SYNPR: variants seen among roughly 807,000 people sequenced by gnomAD.
SYNPR encodes synaptoporin.
In SYNPR, 23 loss-of-function variants were observed where a neutral mutation model predicts 32.9. That is an observed-to-expected ratio of 0.70 (90% CI 0.50 to 0.99). The LOEUF (loss-of-function observed/expected upper bound fraction) is 0.99, where lower values mean the gene tolerates loss of function less well. Among genes scored for constraint, SYNPR ranks in the 50% least tolerant of loss-of-function variants. The probability of loss-of-function intolerance (pLI) is 0.00; values close to 1 mark genes in which losing one functional copy is unlikely to be tolerated. For missense variants in SYNPR, 318 were observed against 349.3 expected, an observed-to-expected ratio of 0.91 and a Z score of 0.71; for synonymous variants, 146 against 135.9, an observed-to-expected ratio of 1.07 and a Z score of -0.52.
chr3:63,567,911 T>C (rs1465604709), intron 4 of SYNPR, among the ~76,000 whole-genome samples: 1 of 152,230 alleles, frequency 6.6e-6, no homozygotes, highest in African/African-American at 2.4e-5. Flanking sequence ...AATCAATTTA[T>C]ATGCTATCTC....
chr3:63,206,011 C>G, the SYNPR span, among the ~76,000 whole-genome samples: 1 of 152,126 alleles, frequency 6.6e-6, no homozygotes, highest in Admixed American at 6.5e-5. Context: ...AGAAACGATG[C>G]TGGTTTTCTT....
intron 4 of SYNPR, among the ~76,000 whole-genome samples, chr3:63,580,357 T>C (rs1357411256): frequency 6.6e-6 from 1 of 152,186 alleles, no homozygotes; most frequent in Non-Finnish European, 1.5e-5. Flanking sequence ...CTTTAAAAAC[T>C]ATTCTTTCCT....
chr3:63,556,858 A>T, intron 4 of SYNPR, 117 bp downstream of exon 4: 3 of 977,036 alleles, frequency 3.1e-6, no homozygotes, highest in Non-Finnish European at 4.4e-6. Context: ...AGGAAATCAC[A>T]TTCTTTTTTA....
intron 2 of SYNPR, among the ~76,000 whole-genome samples, chr3:63,346,981 T>C (rs927298582): frequency 2.6e-5 from 4 of 152,206 alleles, no homozygotes; most frequent in Non-Finnish European, 5.9e-5. Context: ...AAACAGTCTT[T>C]CGTGCAGCCA....
At chr3:63,483,343 G>C (rs1322087537) in intron 3 of SYNPR, among the ~76,000 whole-genome samples, 1 of 152,126 alleles carries the variant, frequency 6.6e-6, no homozygotes, top group Non-Finnish European at 1.5e-5. Flanking sequence ...TTACTAAAGA[G>C]AAAGTAAGTA....
chr3:63,610,595 C>T, intron 5 of SYNPR: 1 of 655,504 alleles, frequency 1.5e-6, no homozygotes, highest in Non-Finnish European at 2.8e-6. Context: ...ATTAGGGTCT[C>T]ACAATAATTT....
At chr3:63,453,307 G>T (rs2106639002) in intron 2 of SYNPR, among the ~76,000 whole-genome samples, 1 of 152,246 alleles carries the variant, frequency 6.6e-6, no homozygotes. Context: ...CAACAGAAGA[G>T]CCTGGGGAGG....
At chr3:63,237,456 T>C (rs2086208170) in intron 1 of SYNPR, among the ~76,000 whole-genome samples, 1 of 152,184 alleles carries the variant, frequency 6.6e-6, no homozygotes, top group African/African-American at 2.4e-5. Flanking sequence ...GTCAAGAGAA[T>C]GTATAATTTG....
At chr3:63,552,282 T>C (rs1702516820) in intron 3 of SYNPR, among the ~76,000 whole-genome samples, 1 of 152,200 alleles carries the variant, frequency 6.6e-6, no homozygotes, top group Non-Finnish European at 1.5e-5. Flanking sequence ...AAAAAGTGTG[T>C]ATTATCTGAA....
At chr3:63,504,985 G>C (rs934847042) in intron 3 of SYNPR, among the ~76,000 whole-genome samples, 2 of 152,102 alleles carry the variant, frequency 1.3e-5, no homozygotes, top group Non-Finnish European at 2.9e-5. Context: ...AGTCAGAAAA[G>C]GGAGGTGAAT....
chr3:63,417,598 A>T (rs2088558543), intron 2 of SYNPR, among the ~76,000 whole-genome samples: 1 of 152,246 alleles, frequency 6.6e-6, no homozygotes, highest in Non-Finnish European at 1.5e-5. Context: ...CTGCCCCTGC[A>T]GCAAGCTTTT....
At position 63,353,886 on chromosome 3, in the gene SYNPR, C is replaced by G. The variant is rs534221062; in HGVS notation, c.84+75144C>G. ...ACTTGTTTTTCATTTATTTGCACTT[C>G]AAGCTTTGTGTTGCTTTTGGATCAA... On this transcript the variant is annotated intron_variant, in intron 2 of 5. Coordinates refer to ENST00000478300, the MANE Select transcript of SYNPR (RefSeq NM_001130003.2). 5.3e-5 allele frequency among the ~76,000 whole-genome samples: 8 copies of G among 152,286 alleles called. No homozygotes were observed. In the East Asian group the frequency reaches 1.5e-3, roughly 29 times the overall value.
Position 63,559,894 on chromosome 3 carries a change from A to G in SYNPR, c.408+3153A>G, listed in dbSNP as rs79464977. Among the ~76,000 whole-genome samples, 421 of 152,346 alleles carry G rather than the reference A, an allele frequency of 2.8e-3. 11 individuals carry two copies. In the East Asian group the frequency reaches 0.057, roughly 21 times the overall value. ...GGATCCATGTAAACATGCTCACAGGACTTTTAAGCCTGAGGAAATATCCTG... is the reference window on the plus strand; with the variant it reads ...GGATCCATGTAAACATGCTCACAGGGCTTTTAAGCCTGAGGAAATATCCTG... On this transcript the variant is annotated intron_variant, in intron 4 of 5. Transcript: ENST00000478300.
chr3:63,438,929 A>G lies in SYNPR; in HGVS notation c.85-41903A>G, dbSNP rs531431335. Among the ~76,000 whole-genome samples the G allele has an allele frequency of 4.3e-4, 66 of 152,340 alleles. No individual in the cohort carries two copies. In the East Asian group the frequency reaches 5.2e-3, roughly 12 times the overall value. ...TGATTGCCTCCTTTCTCCTACTGCA[A>G]TGAAGAAATCCTCTGGCTCTGGATT... On this transcript the variant is annotated intron_variant, in intron 2 of 5. Coordinates refer to ENST00000478300, the MANE Select transcript of SYNPR (RefSeq NM_001130003.2).
intron 2 of SYNPR, among the ~76,000 whole-genome samples, chr3:63,326,257 T>C (rs1198652466): frequency 1.3e-5 from 2 of 152,062 alleles, no homozygotes; most frequent in African/African-American, 4.8e-5. Flanking sequence ...AATGGCAGTG[T>C]AGGAGTGTGG....
At chr3:63,592,605 G>A (rs1247459959) in intron 4 of SYNPR, among the ~76,000 whole-genome samples, 1 of 152,008 alleles carries the variant, frequency 6.6e-6, no homozygotes, top group East Asian at 1.9e-4. Flanking sequence ...CTAATAAATA[G>A]TAGTTAAGGA....
intron 2 of SYNPR, among the ~76,000 whole-genome samples, chr3:63,392,366 C>A (rs955979125): frequency 6.6e-6 from 1 of 151,968 alleles, no homozygotes; most frequent in Non-Finnish European, 1.5e-5. Context: ...CCCACATTTG[C>A]CAAAAAAAGG....
At chr3:63,224,763 GA>G (rs1481789457), upstream of SYNPR, among the ~76,000 whole-genome samples, 1 of 152,224 alleles carries the variant, frequency 6.6e-6, no homozygotes, top group Non-Finnish European at 1.5e-5. Flanking sequence ...AGGGTGGCAT[GA>G]ACCAGGTGTC....
rs754216068 is a variant in SYNPR at position 63,262,017 on chromosome 3, TTAAGTA to T, written n.155-5296_155-5291del. Among the ~76,000 whole-genome samples, 323 of 84,580 alleles carry T rather than the reference TTAAGTA, an allele frequency of 3.8e-3. 3 individuals are homozygous for T. Among genetic ancestry groups the T allele is most frequent in the Non-Finnish European group, 1.6e-3 (59 of 36,686 alleles). The allele number at this position is 84,580 out of a possible 152,430, so 55.5% of individuals were successfully genotyped here. ...CGTTGTGCACATGTACCCTAAAACT[TTAAGTA>T]TAATAAAAAAAAAAACAAACTCATG... On this transcript the variant is annotated intron_variant and non_coding_transcript_variant, in intron 2 of 4. Coordinates refer to the SYNPR transcript ENST00000478456.
Sources: gnomAD v4.1 joint callset for allele counts (sites outside exome capture counted in the v4.1 genomes callset) on GRCh38, gnomAD v4.1.1 for gene constraint, MANE v1.5 for transcripts, NCBI Gene and HGNC (gene_info 2026-07-23, HGNC 2026-07-21) for gene names.